TANC2: variants seen among roughly 807,000 people sequenced by gnomAD.
TANC2 encodes protein TANC2.
TANC2 carries 26 observed loss-of-function variants against 210.5 expected under a neutral mutation model. That is an observed-to-expected ratio of 0.12 (90% CI 0.09 to 0.17). TANC2 has a LOEUF of 0.17. TANC2 is among the 10% of genes least tolerant of loss of function. The pLI is 1.00. For missense variants in TANC2, 2,129 were observed against 2,608.9 expected (o/e 0.82, Z 4.01); for synonymous variants, 931 against 967.1 (o/e 0.96, Z 0.69).
intron 7 of TANC2, among the ~76,000 whole-genome samples, chr17:63,231,212 C>T (rs957140449): frequency 6.6e-6 from 1 of 152,020 alleles, no homozygotes; most frequent in Non-Finnish European, 1.5e-5. Context: ...GGTCTTTACC[C>T]AGCTTGCCAC....
At chr17:63,381,183 C>G (rs1338715328) in intron 15 of TANC2, 1 of 152,210 alleles carries the variant, frequency 6.6e-6, no homozygotes, top group Non-Finnish European at 1.5e-5. Context: ...TTTGACCAAG[C>G]TTCATTTGAC....
At chr17:63,077,365 T>G (rs1358757382) in intron 3 of TANC2, among the ~76,000 whole-genome samples, 1 of 152,170 alleles carries the variant, frequency 6.6e-6, no homozygotes, top group Non-Finnish European at 1.5e-5. Context: ...TTGGAGGATG[T>G]GATCCATCAA....
chr17:63,079,646 A>G (rs934865189), intron 3 of TANC2, among the ~76,000 whole-genome samples: 4 of 152,188 alleles, frequency 2.6e-5, no homozygotes, highest in Admixed American at 1.3e-4. Context: ...ATCCCCATAT[A>G]GGTGCATACT....
chr17:63,133,682 C>T, intron 4 of TANC2, among the ~76,000 whole-genome samples: 1 of 152,048 alleles, frequency 6.6e-6, no homozygotes, highest in Non-Finnish European at 1.5e-5. Context: ...TGTAATTTTA[C>T]CTAGTCAGCA....
At chr17:63,404,980 T>C (rs1331173254) in intron 19 of TANC2, 142 bp from the exon 20 acceptor site, 1 of 1,026,562 alleles carries the variant, frequency 9.7e-7, no homozygotes, top group East Asian at 2.8e-5. Flanking sequence ...AACTTTTCTT[T>C]ATGGAAAAGG....
rs1020904201 is a variant in TANC2 at position 63,228,128 on chromosome 17, G to A, written c.770-9686G>A. Among the ~76,000 whole-genome samples the A allele has an allele frequency of 3.3e-5, 5 of 152,090 alleles. No individual in the cohort carries two copies. In the South Asian group the frequency reaches 1.0e-3, roughly 32 times the overall value. On this transcript the variant is annotated intron_variant, in intron 7 of 27. Coordinates refer to ENST00000689528, the Ensembl canonical transcript of TANC2. Reference sequence around the variant, plus strand: ...TCCTCCTGCCTCAGCCTCCCAAAGTGCTAGGATTACAGGTGTGAGCCACCA... The same window carrying A: ...TCCTCCTGCCTCAGCCTCCCAAAGTACTAGGATTACAGGTGTGAGCCACCA...
chr17:63,306,288 TAGC>T (rs1281783382), intron 9 of TANC2, among the ~76,000 whole-genome samples: 70 of 152,338 alleles, frequency 4.6e-4, no homozygotes, highest in South Asian at 2.1e-4. Context: ...ACTTCTTAAA[TAGC>T]AGGAACTTTC....
intron 12 of TANC2, among the ~76,000 whole-genome samples, chr17:63,344,092 G>A (rs1198859848): frequency 4.6e-5 from 7 of 152,164 alleles, no homozygotes; most frequent in Admixed American, 4.6e-4. Context: ...GGTGAGCGAC[G>A]GCTACCGCCT....
chr17:63,396,876 A>C (rs1441446101), intron 18 of TANC2: 1 of 152,030 alleles, frequency 6.6e-6, no homozygotes, highest in Non-Finnish European at 1.5e-5. Flanking sequence ...CTACCAGGTG[A>C]TGGGAACTTT....
Position 63,265,250 on chromosome 17 carries a change from A to C in TANC2, c.1034-2498A>C, listed in dbSNP as rs1050265086. 4.6e-5 allele frequency among the ~76,000 whole-genome samples: 7 copies of C among 152,162 alleles called. 1 individual carries two copies. In the South Asian group the frequency reaches 1.4e-3, roughly 32 times the overall value. On this transcript the variant is annotated intron_variant, in intron 8 of 27. Coordinates refer to ENST00000689528, the Ensembl canonical transcript of TANC2. ...AGCATTTCATATTTCAGATTTTTGG[A>C]TTATGAATGCTGAACCAGTAAGTAT...
At chr17:63,053,534 C>T (rs78537633) in intron 2 of TANC2, among the ~76,000 whole-genome samples, 3,082 of 152,298 alleles carry the variant, frequency 0.02, 40 homozygotes, top group South Asian at 0.037. Flanking sequence ...AGTCTTAGTC[C>T]TCTGACCTCT....
intron 4 of TANC2, among the ~76,000 whole-genome samples, chr17:63,126,347 T>C (rs2038707021): frequency 6.6e-6 from 1 of 152,226 alleles, no homozygotes. Flanking sequence ...CCAAAGCAGA[T>C]AACACTATTA....
intron 2 of TANC2, among the ~76,000 whole-genome samples, chr17:63,040,633 C>T (rs1011342670): frequency 6.6e-6 from 1 of 152,064 alleles, no homozygotes; most frequent in Admixed American, 6.6e-5. Context: ...ACTAGATTCA[C>T]AGGTTGCAGC....
chr17:63,241,090 A>G (rs1317446035), intron 8 of TANC2, among the ~76,000 whole-genome samples: 1 of 152,178 alleles, frequency 6.6e-6, no homozygotes, highest in Non-Finnish European at 1.5e-5. Flanking sequence ...ATCTAATGAT[A>G]ATTTTCTTCA....
intron 9 of TANC2, among the ~76,000 whole-genome samples, chr17:63,301,919 C>G (rs2044731380): frequency 6.6e-6 from 1 of 152,142 alleles, no homozygotes; most frequent in Admixed American, 6.5e-5. Context: ...GCATTTAGTG[C>G]TATAAATTTC....
In TANC2 at chr17:63,418,061, A is replaced by G. The variant is rs1378809870; in HGVS notation, c.4168-246A>G. ...TTATTAGAAAGGCAAAAAGAGGGAA[A>G]ATTAAAACTATTTTAATATTCTGGG... On this transcript the variant is annotated intron_variant, in intron 26 of 27. Coordinates refer to ENST00000689528, the Ensembl canonical transcript of TANC2. This position sits in a 1 kb window ranked among gnomAD's most constrained non-coding sequence, Gnocchi z 4.6. 6.6e-6 allele frequency among the ~76,000 whole-genome samples: 1 copy of G among 152,184 alleles called. No homozygotes were observed. Among genetic ancestry groups the G allele is most frequent in the East Asian group, 1.9e-4 (1 of 5,194 alleles).
intron 7 of TANC2, among the ~76,000 whole-genome samples, chr17:63,229,527 A>G (rs1344341024): frequency 6.7e-6 from 1 of 149,754 alleles, no homozygotes; most frequent in Admixed American, 6.7e-5. Context: ...CTCTGATAGA[A>G]TTCAGCTATA....
chr17:63,216,979 C>A (rs559629072), intron 7 of TANC2, among the ~76,000 whole-genome samples: 1 of 152,204 alleles, frequency 6.6e-6, no homozygotes, highest in Non-Finnish European at 1.5e-5. Context: ...CTAAATAATG[C>A]TCCAGTCAAA....
At chr17:63,314,547 T>C in exon 10 of TANC2, 1 of 1,613,584 alleles carries the variant, frequency 6.2e-7, no homozygotes, top group Non-Finnish European at 8.5e-7. Context: ...AACCAAGGAG[T>C]AGTGATTGTG....
Sources: allele counts gnomAD v4.1 joint callset (sites outside exome capture counted in the v4.1 genomes callset), GRCh38; gene constraint gnomAD v4.1.1; non-coding constraint Gnocchi (gnomAD v3.1); transcripts MANE v1.5; gene names NCBI Gene and HGNC (gene_info 2026-07-23, HGNC 2026-07-21).